Variants in DUSP13B observed in about 807,000 individuals in gnomAD.
DUSP13B encodes the protein dual specificity phosphatase 13B.
the DUSP13B span, chr10:75,102,108 T>C: frequency 2.1e-6 from 1 of 470,856 alleles, no homozygotes; most frequent in South Asian, 1.8e-5. Flanking sequence ...CCCAGGCCTC[T>C]GTCCCAGCAC....
the DUSP13B span, chr10:75,094,902 T>G: frequency 6.2e-7 from 1 of 1,609,880 alleles, no homozygotes; most frequent in Non-Finnish European, 8.5e-7. Context: ...CAACTTAGCA[T>G]CAGCTACCTG....
the DUSP13B span, chr10:75,097,691 C>A: frequency 6.5e-7 from 1 of 1,541,214 alleles, no homozygotes; most frequent in South Asian, 1.2e-5. Context: ...CATCCCCACT[C>A]CTAACGTGGG....
chr10:75,101,395 T>C, the DUSP13B span, among the ~76,000 whole-genome samples: 2 of 152,210 alleles, frequency 1.3e-5, no homozygotes, highest in African/African-American at 4.8e-5. Context: ...GCCCCAGCCA[T>C]ATCCTATGTG....
chr10:75,097,901 C>T, the DUSP13B span: 11 of 1,562,242 alleles, frequency 7.0e-6, no homozygotes, highest in Non-Finnish European at 9.6e-6. Context: ...ACAGAGTGGA[C>T]ACCGCAGTGG....
chr10:75,101,394 A>G, the DUSP13B span, among the ~76,000 whole-genome samples: 1 of 152,190 alleles, frequency 6.6e-6, no homozygotes, highest in East Asian at 1.9e-4. Flanking sequence ...AGCCCCAGCC[A>G]TATCCTATGT....
the DUSP13B span, among the ~76,000 whole-genome samples, chr10:75,096,576 C>CAA: frequency 6.1e-4 from 49 of 80,818 alleles, no homozygotes; most frequent in Admixed American, 1.1e-3. Context: ...GACCCCGCCT[C>CAA]AAAAAAAAAA....
chr10:75,102,397 C>T, the DUSP13B span, among the ~76,000 whole-genome samples: 60 of 151,968 alleles, frequency 3.9e-4, no homozygotes, highest in East Asian at 9.7e-4. Context: ...GAGCCGAGAT[C>T]GCGCCACTGC....
the DUSP13B span, chr10:75,101,773 C>A: frequency 3.6e-6 from 3 of 841,446 alleles, 1 homozygote; most frequent in South Asian, 2.7e-5. Context: ...CAAACCCCAC[C>A]CCTCCCCACA....
the DUSP13B span, chr10:75,097,660 G>A: frequency 4.1e-6 from 6 of 1,466,578 alleles, no homozygotes; most frequent in Non-Finnish European, 4.6e-6. Context: ...CCATTCCCGT[G>A]TGAACCTCAC....
chr10:75,096,324 C>G, the DUSP13B span, among the ~76,000 whole-genome samples: 1 of 152,096 alleles, frequency 6.6e-6, no homozygotes, highest in Non-Finnish European at 1.5e-5. Context: ...TGCCTATAAT[C>G]CCAACACTTT....
At chr10:75,103,834 A>G in the DUSP13B span, 1 of 1,227,666 alleles carries the variant, frequency 8.1e-7, no homozygotes, top group South Asian at 1.4e-5. Flanking sequence ...TTTCCCAGGG[A>G]ACTTGGGGTC....
chr10:75,105,864 C>T, the DUSP13B span: 4 of 1,547,368 alleles, frequency 2.6e-6, no homozygotes, highest in East Asian at 4.9e-5. Flanking sequence ...GCACCAGGAC[C>T]TTGGCTGAGG....
the DUSP13B span, chr10:75,101,950 T>G: frequency 7.3e-7 from 1 of 1,367,768 alleles, no homozygotes; most frequent in Admixed American, 1.9e-5. Flanking sequence ...CTCCGCACAC[T>G]TGATGCTGTT....
At chr10:75,108,970 C>T in the DUSP13B span, 14 of 1,560,938 alleles carry the variant, frequency 9.0e-6, no homozygotes, top group South Asian at 2.4e-5. Context: ...TGCCTCTCCA[C>T]GTCCCCACCC....
At chr10:75,098,467 G>A in the DUSP13B span, among the ~76,000 whole-genome samples, 16 of 152,288 alleles carry the variant, frequency 1.1e-4, no homozygotes, top group African/African-American at 3.8e-4. Flanking sequence ...CCTCTTATAA[G>A]CCTGATGCCT....
At chr10:75,103,598 A>G in the DUSP13B span, among the ~76,000 whole-genome samples, 56,944 of 152,004 alleles carry the variant, frequency 0.37, 11,786 homozygotes, top group East Asian at 0.67. Flanking sequence ...TGTCATACAC[A>G]CATACCTTGA....
At chr10:75,102,017 C>T in the DUSP13B span, 2 of 1,273,114 alleles carry the variant, frequency 1.6e-6, no homozygotes, top group Admixed American at 2.1e-5. Flanking sequence ...CCTCTTCCAG[C>T]CTCCCCTGCC....
chr10:75,099,663 A>G, the DUSP13B span: 2 of 709,354 alleles, frequency 2.8e-6, no homozygotes, highest in Non-Finnish European at 3.9e-6. Context: ...TCTGCTTGGT[A>G]TCTGTTTGGG....
the DUSP13B span, among the ~76,000 whole-genome samples, chr10:75,103,641 G>A: frequency 7.2e-5 from 11 of 152,316 alleles, no homozygotes; most frequent in African/African-American, 2.4e-4. Flanking sequence ...CAGATGGTGG[G>A]AACAGGGCAC....
Sources: gnomAD v4.1 joint callset for allele counts (sites outside exome capture counted in the v4.1 genomes callset) on GRCh38, gnomAD v4.1.1 for gene constraint, MANE v1.5 for transcripts, NCBI Gene and HGNC (gene_info 2026-07-23, HGNC 2026-07-21) for gene names.